The following FOXN3 variants were observed in gnomAD, a reference collection of about 807,000 sequenced individuals.
The protein encoded by FOXN3 is forkhead box N3.
Under a neutral mutation model 38.4 loss-of-function variants are expected in FOXN3, and 7 were observed. The ratio of observed to expected loss-of-function variants is 0.18; its 90% confidence interval spans 0.10 to 0.34. The LOEUF is 0.34. Among genes scored for constraint, FOXN3 ranks in the 10% least tolerant of loss-of-function variants. The probability of loss-of-function intolerance (pLI) is 1.00; values close to 1 mark genes in which losing one functional copy is unlikely to be tolerated. For synonymous variants in FOXN3, 230 were observed against 242.2 expected, an observed-to-expected ratio of 0.95 and a Z score of 0.47; for missense variants, 456 against 613.4, an observed-to-expected ratio of 0.74 and a Z score of 2.71.
At chr14:89,403,773 C>T (rs1298181738) in intron 2 of FOXN3, among the ~76,000 whole-genome samples, 1 of 152,166 alleles carries the variant, frequency 6.6e-6, no homozygotes, top group African/African-American at 2.4e-5. Context: ...TTGATAGGGC[C>T]CTCGGGCCCA....
At chr14:89,238,389 A>G (rs1284447348) in intron 4 of FOXN3, among the ~76,000 whole-genome samples, 1 of 152,248 alleles carries the variant, frequency 6.6e-6, no homozygotes, top group East Asian at 1.9e-4. Context: ...TCTGATCTTC[A>G]AATTATGTTT....
At chr14:89,287,108 A>G (rs943040464) in intron 3 of FOXN3, among the ~76,000 whole-genome samples, 8 of 152,168 alleles carry the variant, frequency 5.3e-5, no homozygotes, top group African/African-American at 1.9e-4. Context: ...GATGGGGGAA[A>G]AAAATTGCTT....
At chr14:89,530,280 T>C (rs1894529470) in intron 1 of FOXN3, among the ~76,000 whole-genome samples, 2 of 152,144 alleles carry the variant, frequency 1.3e-5, no homozygotes, top group South Asian at 4.1e-4. Flanking sequence ...TTTAATGGAC[T>C]CACAGTTCCA....
At chr14:89,236,121 CT>C (rs1884973357) in intron 4 of FOXN3, among the ~76,000 whole-genome samples, 1 of 152,202 alleles carries the variant, frequency 6.6e-6, no homozygotes, top group Non-Finnish European at 1.5e-5. Flanking sequence ...CACTAGGCCC[CT>C]GGCTCTCAGC....
intron 1 of FOXN3, among the ~76,000 whole-genome samples, chr14:89,599,025 C>T (rs1206432688): frequency 2.6e-5 from 4 of 152,092 alleles, no homozygotes; most frequent in African/African-American, 9.7e-5. Context: ...TGCTGAACCT[C>T]CAGTTACACA....
chr14:89,316,793 G>A (rs1464566920), intron 3 of FOXN3, among the ~76,000 whole-genome samples: 2 of 151,956 alleles, frequency 1.3e-5, no homozygotes, highest in East Asian at 3.9e-4. Context: ...AGCCTCCCGA[G>A]TAGCTAGATT....
intron 1 of FOXN3, among the ~76,000 whole-genome samples, chr14:89,442,643 T>C (rs2139698249): frequency 6.6e-6 from 1 of 152,108 alleles, no homozygotes; most frequent in East Asian, 1.9e-4. Flanking sequence ...GTCCCCAACA[T>C]GTCTCCCTTG....
chr14:89,425,062 CTTTTTTTTTTTTT>C (rs3994032), intron 1 of FOXN3, among the ~76,000 whole-genome samples: 2 of 104,220 alleles, frequency 1.9e-5, no homozygotes, highest in Admixed American at 1.3e-4. Context: ...GTTTTCTTTT[CTTTTTTTTTTTTT>C]TTTTTTTGAG....
At chr14:89,261,609 C>T (rs1885803749) in intron 4 of FOXN3, among the ~76,000 whole-genome samples, 3 of 152,060 alleles carry the variant, frequency 2.0e-5, no homozygotes, top group Admixed American at 2.0e-4. Context: ...GCCCAGCCAA[C>T]AGGGTGAAAC....
At chr14:89,215,540 C>G (rs754875838) in intron 4 of FOXN3, among the ~76,000 whole-genome samples, 71 of 152,232 alleles carry the variant, frequency 4.7e-4, no homozygotes, top group Middle Eastern at 3.4e-3. Context: ...CAAAATGCAT[C>G]CGACCACATT....
intron 4 of FOXN3, 81 bp from the exon 5 acceptor site, chr14:89,180,887 G>A: frequency 1.2e-6 from 1 of 812,852 alleles, no homozygotes. Flanking sequence ...ATTCTGGATA[G>A]ACCAATAAGA....
At chr14:89,546,959 A>G (rs1894899176) in intron 1 of FOXN3, among the ~76,000 whole-genome samples, 1 of 151,598 alleles carries the variant, frequency 6.6e-6, no homozygotes, top group African/African-American at 2.4e-5. Flanking sequence ...TAATTTTTGT[A>G]TTTTTAGTAG....
chr14:89,370,534 C>A (rs1429577563), intron 2 of FOXN3, among the ~76,000 whole-genome samples: 1 of 152,168 alleles, frequency 6.6e-6, no homozygotes, highest in Non-Finnish European at 1.5e-5. Flanking sequence ...ACATCTGTGC[C>A]CATGCTGACA....
intron 1 of FOXN3, among the ~76,000 whole-genome samples, chr14:89,455,002 C>T (rs926212955): frequency 2.0e-5 from 3 of 152,194 alleles, no homozygotes; most frequent in Non-Finnish European, 4.4e-5. Context: ...AAAATCCCAA[C>T]TCTTCAGATA....
At chr14:89,346,213 C>G (rs985475076) in intron 3 of FOXN3, among the ~76,000 whole-genome samples, 42 of 152,158 alleles carry the variant, frequency 2.8e-4, no homozygotes, top group African/African-American at 1.0e-3. Flanking sequence ...GGTTCCATAT[C>G]TTTGCAGCAG....
At chr14:89,531,575 C>G (rs1250203262) in intron 1 of FOXN3, among the ~76,000 whole-genome samples, 6 of 152,192 alleles carry the variant, frequency 3.9e-5, no homozygotes, top group African/African-American at 7.2e-5. Flanking sequence ...ATCACTGGAG[C>G]ATTCATGATG....
chr14:89,518,360 CA>C (rs1431043483), intron 1 of FOXN3, among the ~76,000 whole-genome samples: 2 of 152,166 alleles, frequency 1.3e-5, no homozygotes, highest in African/African-American at 4.8e-5. Flanking sequence ...CCTCTCATAC[CA>C]GGTTTCCAGG....
chr14:89,230,199 C>G (rs1884765683), intron 4 of FOXN3, among the ~76,000 whole-genome samples: 1 of 152,238 alleles, frequency 6.6e-6, no homozygotes, highest in Admixed American at 6.5e-5. Context: ...CACTGTAAAT[C>G]CCTCTATGGA....
chr14:89,158,742 ACTGT>A lies in FOXN3; in HGVS notation c.*3668_*3671del, dbSNP rs1596071973. On this transcript the variant is annotated 3_prime_UTR_variant, in exon 6 of 6. Transcript: ENST00000557258. ...ATATCATTTAAGAAAAAAAAGAGTG[ACTGT>A]CTCTTTCTCTTAAATGTATCCGAGG... The A allele has an allele frequency of 6.6e-6, 1 of 152,626 alleles. No individual in the cohort carries two copies. The highest frequency in any genetic ancestry group is 6.5e-5 in the Admixed American group (1 of 15,274). 9.5% of individuals were successfully genotyped at this position (152,626 alleles called of 1,614,324 possible).
Sources: allele counts gnomAD v4.1 joint callset (sites outside exome capture counted in the v4.1 genomes callset), GRCh38; gene constraint gnomAD v4.1.1; transcripts MANE v1.5; gene names NCBI Gene and HGNC (gene_info 2026-07-23, HGNC 2026-07-21).